CEP128: variants seen among roughly 807,000 people sequenced by gnomAD.
CEP128 encodes the protein centrosomal protein 128, also known as centrosomal protein 128kDa.
CEP128 carries 132 observed loss-of-function variants against 156.7 expected under a neutral mutation model. The observed-to-expected ratio is 0.84, with a 90% CI of 0.73 to 0.97. CEP128 has a LOEUF of 0.97. CEP128 is among the 50% of genes least tolerant of loss of function. CEP128 has a pLI of 0.00. For missense variants in CEP128, 1,252 were observed against 1,281.9 expected (o/e 0.98, Z 0.36); for synonymous variants, 469 against 448.9 (o/e 1.04, Z -0.57).
chr14:80,554,396 G>T (rs1453013014), intron 21 of CEP128, among the ~76,000 whole-genome samples: 1 of 152,068 alleles, frequency 6.6e-6, no homozygotes, highest in African/African-American at 2.4e-5. Flanking sequence ...AAATGGGCAT[G>T]TTCCCTCTTT....
At chr14:80,832,842 T>C (rs1184004229) in intron 12 of CEP128, among the ~76,000 whole-genome samples, 1 of 152,228 alleles carries the variant, frequency 6.6e-6, no homozygotes, top group Non-Finnish European at 1.5e-5. Flanking sequence ...ACAGAGTTTA[T>C]GTGTTGCTAG....
At chr14:80,815,155 T>G (rs192938599) in intron 13 of CEP128, among the ~76,000 whole-genome samples, 244 of 152,316 alleles carry the variant, frequency 1.6e-3, no homozygotes, top group East Asian at 0.012. Flanking sequence ...GAGAAAATAT[T>G]TGTAAACTAT....
intron 2 of CEP128, among the ~76,000 whole-genome samples, chr14:80,932,486 T>G (rs1566723711): frequency 1.3e-5 from 2 of 152,214 alleles, no homozygotes; most frequent in Non-Finnish European, 2.9e-5. Context: ...ATCCTGAGAT[T>G]GCCTTGTGCA....
intron 21 of CEP128, among the ~76,000 whole-genome samples, chr14:80,559,073 T>C (rs2122425): frequency 0.57 from 86,384 of 152,012 alleles, 24,893 homozygotes; most frequent in East Asian, 0.72. Context: ...CACTTAAGTA[T>C]GCTCACATTT....
In CEP128 at chr14:80,862,791, T is replaced by C; in HGVS notation, c.728A>G (p.Asp243Gly). The C allele has an allele frequency of 6.2e-7, 1 of 1,613,892 alleles. No individual in the cohort carries two copies. The highest frequency in any genetic ancestry group is 8.5e-7 in the Non-Finnish European group (1 of 1,179,774). The change falls in exon 9 of 25, where the codon GAT (aspartate) becomes GGT (glycine). Residue 243 changes from aspartate to glycine, a missense_variant. By Grantham distance (94) the Asp-to-Gly change is moderately conservative. Coordinates refer to ENST00000555265, the MANE Select transcript of CEP128 (RefSeq NM_152446.5). Reference protein sequence around the residue: ...TERELVERRQDQLGLMSLQLQ... With the variant: ...TERELVERRQGQLGLMSLQLQ... ...CTGCAGGGACATGAGTCCCAGTTGA[T>C]CCTGGCGTCTTTCCACCAGCTCCCT...
chr14:80,656,717 A>C (rs1397599090), intron 19 of CEP128, among the ~76,000 whole-genome samples: 4 of 152,134 alleles, frequency 2.6e-5, no homozygotes, highest in African/African-American at 4.8e-5. Context: ...CCATTCTATG[A>C]GCAAGAAACA....
At chr14:80,562,340 T>A (rs796262704) in intron 20 of CEP128, among the ~76,000 whole-genome samples, 18 of 97,752 alleles carry the variant, frequency 1.8e-4, no homozygotes, top group African/African-American at 7.9e-4. Context: ...TTTAGTTCAT[T>A]AACCTTTCAG....
intron 19 of CEP128, among the ~76,000 whole-genome samples, chr14:80,638,014 C>G (rs1405372893): frequency 6.6e-6 from 1 of 152,194 alleles, no homozygotes; most frequent in Non-Finnish European, 1.5e-5. Flanking sequence ...CTTCAGACTT[C>G]TGGCCTCCAA....
intron 13 of CEP128, among the ~76,000 whole-genome samples, chr14:80,808,590 C>T (rs975954951): frequency 1.3e-5 from 2 of 152,084 alleles, no homozygotes; most frequent in South Asian, 4.2e-4. Context: ...TATGAAGACC[C>T]AAAATCTGCC....
chr14:80,869,655 A>G (rs1020849470), intron 8 of CEP128, among the ~76,000 whole-genome samples: 2 of 152,034 alleles, frequency 1.3e-5, no homozygotes, highest in Admixed American at 1.3e-4. Context: ...CCATGAAACT[A>G]ACAGTTGTTT....
intron 19 of CEP128, among the ~76,000 whole-genome samples, chr14:80,740,552 A>AGATT (rs1898778614): frequency 9.0e-6 from 1 of 111,130 alleles, no homozygotes; most frequent in Admixed American, 1.0e-4. Context: ...ATAGACAGAC[A>AGATT]GATAGATAGA....
chr14:80,688,640 A>C (rs991849616), intron 19 of CEP128, among the ~76,000 whole-genome samples: 2 of 152,224 alleles, frequency 1.3e-5, no homozygotes, highest in African/African-American at 4.8e-5. Context: ...CTGGAAACCC[A>C]CATTCACTTT....
intron 19 of CEP128, among the ~76,000 whole-genome samples, chr14:80,689,377 A>T (rs1265397397): frequency 1.3e-5 from 2 of 151,944 alleles, no homozygotes; most frequent in African/African-American, 4.8e-5. Context: ...AAGCTACATC[A>T]AGCTAAAATT....
At chr14:80,613,779 A>G (rs183243978) in intron 19 of CEP128, among the ~76,000 whole-genome samples, 83 of 152,272 alleles carry the variant, frequency 5.5e-4, no homozygotes, top group African/African-American at 1.9e-3. Context: ...ATGAATTAAG[A>G]TAGCAAGCTA....
intron 18 of CEP128, among the ~76,000 whole-genome samples, chr14:80,747,167 A>T (rs1213628284): frequency 6.6e-6 from 1 of 152,234 alleles, no homozygotes; most frequent in Non-Finnish European, 1.5e-5. Flanking sequence ...TTAGAAAATA[A>T]TCTGACAGTT....
chr14:80,956,880 C>A lies in CEP128; in HGVS notation c.-172+1298G>T, dbSNP rs146013495. Among the ~76,000 whole-genome samples the A allele has an allele frequency of 2.4e-4, 36 of 152,278 alleles. No homozygotes were observed. The East Asian group carries it at 6.6e-3, about 28-fold the overall frequency. ...CTGAATTAATTAGTTCAATAACCTC[C>A]AAACAGTGTGGTAGTCATTCTCCAT... On this transcript the variant is annotated intron_variant, in intron 2 of 7. Coordinates refer to the CEP128 transcript ENST00000555529.
chr14:80,789,795 G>T (rs1901607373), intron 14 of CEP128, among the ~76,000 whole-genome samples: 1 of 151,172 alleles, frequency 6.6e-6, no homozygotes, highest in African/African-American at 2.4e-5. Context: ...TGAATACAAA[G>T]TATTATATAC....
intron 18 of CEP128, among the ~76,000 whole-genome samples, chr14:80,747,152 T>C (rs910648221): frequency 1.3e-5 from 2 of 152,200 alleles, no homozygotes; most frequent in Non-Finnish European, 2.9e-5. Context: ...AGCAGTGCAA[T>C]TGCTTTAGAA....
chr14:80,727,895 GC>G (rs1462295929), intron 19 of CEP128, among the ~76,000 whole-genome samples: 9 of 152,134 alleles, frequency 5.9e-5, no homozygotes, highest in Non-Finnish European at 1.3e-4. Context: ...AAAAGGGAAT[GC>G]TTATACACTG....
Sources: allele counts gnomAD v4.1 joint callset (sites outside exome capture counted in the v4.1 genomes callset), GRCh38; gene constraint gnomAD v4.1.1; transcripts MANE v1.5; gene names NCBI Gene and HGNC (gene_info 2026-07-23, HGNC 2026-07-21).